The following UBE2E2 variants were observed in gnomAD, a reference collection of about 807,000 sequenced individuals.
UBE2E2 encodes the protein ubiquitin conjugating enzyme E2 E2, also known as ubiquitin-conjugating enzyme E2 E2.
Under a neutral mutation model 24.7 loss-of-function variants are expected in UBE2E2, and 6 were observed. The observed-to-expected ratio is 0.24, with a 90% CI of 0.13 to 0.48. The LOEUF (loss-of-function observed/expected upper bound fraction) is 0.48, where lower values mean the gene tolerates loss of function less well. Among genes scored for constraint, UBE2E2 ranks in the 20% least tolerant of loss-of-function variants. The probability of loss-of-function intolerance (pLI) is 0.99; values close to 1 mark genes in which losing one functional copy is unlikely to be tolerated. For missense variants in UBE2E2, 169 were observed against 245.0 expected (o/e 0.69, Z 2.07); for synonymous variants, 104 against 83.6 (o/e 1.24, Z -1.33).
At chr3:23,445,754 G>A (rs1038229992) in intron 3 of UBE2E2, among the ~76,000 whole-genome samples, 3 of 152,094 alleles carry the variant, frequency 2.0e-5, no homozygotes, top group Admixed American at 1.3e-4. Context: ...CATACAACGG[G>A]TTGTTTCTCT....
intron 5 of UBE2E2, among the ~76,000 whole-genome samples, chr3:23,542,848 GT>G (rs759615691): frequency 3.3e-5 from 5 of 152,156 alleles, no homozygotes; most frequent in Non-Finnish European, 5.9e-5. Context: ...ATTTAGACAC[GT>G]TGACCTCAGG....
intron 3 of UBE2E2, among the ~76,000 whole-genome samples, chr3:23,277,904 CAA>C (rs1218087581): frequency 2.0e-5 from 3 of 152,056 alleles, no homozygotes; most frequent in African/African-American, 7.2e-5. Flanking sequence ...ATAGCCATGA[CAA>C]AAACAGTCTC....
At chr3:23,540,693 G>T (rs968498322) in intron 5 of UBE2E2, among the ~76,000 whole-genome samples, 1 of 151,994 alleles carries the variant, frequency 6.6e-6, no homozygotes, top group Non-Finnish European at 1.5e-5. Context: ...ATGAGCCACC[G>T]TGCCTGGCAG....
intron 3 of UBE2E2, chr3:23,270,894 G>T: frequency 2.2e-6 from 1 of 456,162 alleles, no homozygotes; most frequent in Non-Finnish European, 4.4e-6. Flanking sequence ...AACGATAATT[G>T]TCTAACATTT....
At chr3:23,514,830 G>A (rs370566793) in intron 4 of UBE2E2, among the ~76,000 whole-genome samples, 15 of 152,174 alleles carry the variant, frequency 9.9e-5, no homozygotes, top group Admixed American at 9.2e-4. Context: ...GGTGAACTCC[G>A]AGAATGTAAT....
intron 5 of UBE2E2, among the ~76,000 whole-genome samples, chr3:23,565,523 A>G (rs964398658): frequency 6.9e-6 from 1 of 145,846 alleles, no homozygotes; most frequent in Non-Finnish European, 1.5e-5. Context: ...AGAAAGGTCA[A>G]CAGGTTACAG....
intron 3 of UBE2E2, among the ~76,000 whole-genome samples, chr3:23,487,759 T>C (rs1699407234): frequency 1.3e-5 from 2 of 152,210 alleles, no homozygotes; most frequent in Admixed American, 1.3e-4. Flanking sequence ...AAGCATACTT[T>C]CTTTACCACC....
At chr3:23,515,699 A>G (rs1164374914) in intron 4 of UBE2E2, among the ~76,000 whole-genome samples, 2 of 152,048 alleles carry the variant, frequency 1.3e-5, no homozygotes, top group Admixed American at 6.6e-5. Context: ...GCTAACGCCT[A>G]TAATCCCAGC....
intron 3 of UBE2E2, among the ~76,000 whole-genome samples, chr3:23,471,231 A>T (rs1699028394): frequency 6.6e-6 from 1 of 152,212 alleles, no homozygotes; most frequent in Admixed American, 6.5e-5. Flanking sequence ...AAAAGTACAA[A>T]CTACAGGAAG....
chr3:23,449,877 G>T, intron 3 of UBE2E2: 1 of 985,422 alleles, frequency 1.0e-6, no homozygotes, highest in Non-Finnish European at 1.2e-6. Flanking sequence ...CCCTATAATG[G>T]GGAAGGTCCC....
At chr3:23,557,480 A>G (rs1695818908) in intron 5 of UBE2E2, among the ~76,000 whole-genome samples, 1 of 152,224 alleles carries the variant, frequency 6.6e-6, no homozygotes, top group South Asian at 2.1e-4. Flanking sequence ...CGCAGGACAC[A>G]CTCACACACA....
chr3:23,383,821 A>G (rs113266750), intron 3 of UBE2E2, among the ~76,000 whole-genome samples: 170 of 151,638 alleles, frequency 1.1e-3, no homozygotes, highest in African/African-American at 3.9e-3. Context: ...TTGTTATTGT[A>G]CCAATATGAT....
At chr3:23,492,102 A>G (rs913830567) in intron 3 of UBE2E2, among the ~76,000 whole-genome samples, 1 of 152,226 alleles carries the variant, frequency 6.6e-6, no homozygotes, top group Non-Finnish European at 1.5e-5. Context: ...CTAAGTAGGC[A>G]GACATTGAAG....
At chr3:23,370,115 C>T (rs147080226) in intron 3 of UBE2E2, among the ~76,000 whole-genome samples, 3 of 152,182 alleles carry the variant, frequency 2.0e-5, no homozygotes, top group Non-Finnish European at 4.4e-5. Flanking sequence ...TTTCCCCATC[C>T]TTTTACCATT....
At chr3:23,241,032 A>G (rs1559452514) in intron 3 of UBE2E2, among the ~76,000 whole-genome samples, 2 of 152,224 alleles carry the variant, frequency 1.3e-5, no homozygotes, top group Admixed American at 6.5e-5. Flanking sequence ...ATTGCCCCAT[A>G]TGAATATTTA....
rs1228801143 is a variant in UBE2E2, at chr3:23,349,475, C to G, written c.227+132163C>G. On this transcript the variant is annotated intron_variant, in intron 3 of 5. Transcript: ENST00000396703. ...GCAAGGGGTCAGGGAGTTCCCTTTC[C>G]CAGTCAAAGAAAGGGGTGACAGACG... is the stretch of plus-strand genomic sequence containing the variant. Among the ~76,000 whole-genome samples the G allele has an allele frequency of 3.9e-5, 6 of 152,166 alleles. No homozygotes were observed. The South Asian group carries it at 1.2e-3, about 32-fold the overall frequency.
intron 3 of UBE2E2, among the ~76,000 whole-genome samples, chr3:23,355,095 T>C (rs1318946742): frequency 2.6e-5 from 4 of 151,892 alleles, no homozygotes; most frequent in Non-Finnish European, 5.9e-5. Context: ...TGGATGAAAT[T>C]GGAAATCATC....
At chr3:23,476,379 T>G (rs1331832874) in intron 3 of UBE2E2, among the ~76,000 whole-genome samples, 11 of 152,102 alleles carry the variant, frequency 7.2e-5, no homozygotes, top group Admixed American at 7.2e-4. Flanking sequence ...AAAGCACCAT[T>G]AAGAGATACT....
intron 3 of UBE2E2, among the ~76,000 whole-genome samples, chr3:23,233,361 GT>G (rs1373755469): frequency 5.3e-5 from 8 of 152,142 alleles, no homozygotes; most frequent in African/African-American, 1.9e-4. Flanking sequence ...ATTAAACAGT[GT>G]TATGGTCCTA....
Sources: gnomAD v4.1 joint callset for allele counts (sites outside exome capture counted in the v4.1 genomes callset) on GRCh38, gnomAD v4.1.1 for gene constraint, MANE v1.5 for transcripts, NCBI Gene and HGNC (gene_info 2026-07-23, HGNC 2026-07-21) for gene names.